The following FAHD2B variants were observed in gnomAD, a reference collection of about 807,000 sequenced individuals.
FAHD2B encodes the protein fumarylacetoacetate hydrolase domain containing 2B, also known as oxaloacetate tautomerase FAHD2B, mitochondrial.
FAHD2B carries 26 observed loss-of-function variants against 33.7 expected under a neutral mutation model. The ratio of observed to expected loss-of-function variants is 0.77; its 90% confidence interval spans 0.57 to 1.07. FAHD2B has a LOEUF of 1.07. Ranked by LOEUF, FAHD2B falls within the 50% of genes least tolerant of loss-of-function variation. The pLI is 0.00. For synonymous variants in FAHD2B, 108 were observed against 150.9 expected (o/e 0.72, Z 2.08); for missense variants, 272 against 388.1 (o/e 0.70, Z 2.51).
intron 4 of FAHD2B, chr2:97,086,633 T>A (rs1028928958): frequency 6.3e-6 from 1 of 159,680 alleles, no homozygotes; most frequent in Non-Finnish European, 1.4e-5. Context: ...GAGTAAGCAA[T>A]TCACAAAAAG....
downstream of FAHD2B, chr2:97,081,557 G>C: frequency 6.5e-7 from 1 of 1,529,496 alleles, no homozygotes; most frequent in Non-Finnish European, 8.8e-7. Context: ...CCTGGAGCCT[G>C]GCCTCCTCCA....
downstream of FAHD2B, chr2:97,083,134 A>G (rs2031718327): frequency 8.3e-6 from 13 of 1,564,436 alleles, no homozygotes; most frequent in Non-Finnish European, 1.1e-5. Context: ...CGCATCTTCC[A>G]TGGCCCAGGT....
At chr2:97,089,191 A>T (rs1167029595) in intron 4 of FAHD2B, among the ~76,000 whole-genome samples, 1 of 152,030 alleles carries the variant, frequency 6.6e-6, no homozygotes, top group Non-Finnish European at 1.5e-5. Context: ...TACTGCCTGT[A>T]GTTTGATAAT....
chr2:97,093,466 TAA>T (rs2032473412), intron 1 of FAHD2B, among the ~76,000 whole-genome samples: 1 of 138,976 alleles, frequency 7.2e-6, no homozygotes, highest in African/African-American at 2.7e-5. Flanking sequence ...ATGTCTGATT[TAA>T]TTCTTTTTTT....
Position 97,091,484 on chromosome 2 carries a change from C to A in FAHD2B, c.223G>T (p.Ala75Ser), listed in dbSNP as rs1488446858. 1 of 1,612,828 alleles carries A rather than the reference C, an allele frequency of 6.2e-7. No individual in the cohort carries two copies. The highest frequency in any genetic ancestry group is 8.5e-7 in the Non-Finnish European group (1 of 1,179,738). The change falls in exon 3 of 9, where the codon GCC (alanine) becomes TCC (serine). Residue 75 changes from alanine to serine, a missense_variant. Physicochemically the swap from Ala to Ser is moderately conservative, Grantham distance 99 (BLOSUM62 1). Coordinates refer to ENST00000414820, the MANE Select transcript of FAHD2B (RefSeq NM_001320848.2). ...TACCTTCTTGCCACTGAGAGGGTGG[C>A]CTCTCCCTGCTCTAGGAACTGCGTC... ...TMTQFLEQGEATLSVARRALA... is the reference protein window; with the variant it reads ...TMTQFLEQGESTLSVARRALA...
chr2:97,079,554 T>C (rs2031577563), downstream of FAHD2B, among the ~76,000 whole-genome samples: 2 of 152,166 alleles, frequency 1.3e-5, no homozygotes, highest in Non-Finnish European at 2.9e-5. Flanking sequence ...ATATGATTGT[T>C]GGCTGCATGT....
intron 3 of FAHD2B, 59 bp downstream of exon 3, chr2:97,091,403 G>C (rs886921633): frequency 2.0e-6 from 3 of 1,481,454 alleles, no homozygotes; most frequent in East Asian, 2.5e-5. Context: ...TTCCCAGAGC[G>C]GGGAGGGTGC....
intron 6 of FAHD2B, among the ~76,000 whole-genome samples, chr2:97,085,483 C>T (rs2031914442): frequency 6.6e-6 from 1 of 152,014 alleles, no homozygotes; most frequent in South Asian, 2.1e-4. Flanking sequence ...CATGCAGTTT[C>T]ACATCCTCTG....
chr2:97,086,653 A>G (rs1404936477), intron 4 of FAHD2B: 1 of 158,198 alleles, frequency 6.3e-6, no homozygotes, highest in Non-Finnish European at 1.4e-5. Flanking sequence ...GGTAACGGAC[A>G]TGGCCACAAA....
chr2:97,080,027 C>T (rs1476525996), downstream of FAHD2B, among the ~76,000 whole-genome samples: 2 of 152,072 alleles, frequency 1.3e-5, no homozygotes, highest in Non-Finnish European at 2.9e-5. Flanking sequence ...AAACTTTTCT[C>T]TCATTCTTTA....
chr2:97,092,763 G>T (rs1348492764), intron 1 of FAHD2B, among the ~76,000 whole-genome samples: 4 of 151,782 alleles, frequency 2.6e-5, no homozygotes, highest in Admixed American at 6.6e-5. Flanking sequence ...TTGAGGTCAG[G>T]AGTTCAAGAC....
downstream of FAHD2B, chr2:97,081,579 T>G (rs2031645967): frequency 6.6e-7 from 1 of 1,516,398 alleles, no homozygotes; most frequent in African/African-American, 1.5e-5. Context: ...CCTCCCACCC[T>G]GAGTGCCAGC....
Position 97,084,332 on chromosome 2 carries a change from A to C in FAHD2B, c.686-55T>G. 4.4e-6 allele frequency: 7 copies of C among 1,603,602 alleles called. No homozygotes were observed. The East Asian group carries it at 6.7e-5, about 15-fold the overall frequency. ...ATCCCTTTTCCCCCTCAAACCCCCC[A>C]GTGTTTTACAAACACAACTGTAGGG... On this transcript the variant is annotated intron_variant, in intron 6 of 8. Coordinates refer to ENST00000414820, the MANE Select transcript of FAHD2B (RefSeq NM_001320848.2).
chr2:97,088,291 C>G (rs1415463659), intron 4 of FAHD2B, among the ~76,000 whole-genome samples: 1 of 152,062 alleles, frequency 6.6e-6, no homozygotes, highest in African/African-American at 2.4e-5. Flanking sequence ...CTCTGTGTCC[C>G]CACCCAAATC....
Position 97,085,757 on chromosome 2 carries a change from T to G in FAHD2B, c.627A>C (p.Lys209Asn). Residue 209 changes from lysine to asparagine, a missense_variant, in exon 6 of 9, where the codon AAA (lysine) becomes AAC (asparagine). By Grantham distance (94) the Lys-to-Asn change is moderately conservative. Coordinates refer to ENST00000414820, the MANE Select transcript of FAHD2B (RefSeq NM_001320848.2). ...CCAGAGGGCAGAAGGTGTCGAAGGT[T>G]TTTCCCAGCAGCCACTGTTTCCCAT... ...RRNGKQWLLGKTFDTFCPLGP... is the reference protein window; with the variant it reads ...RRNGKQWLLGNTFDTFCPLGP... 1 of 1,613,726 alleles carries G rather than the reference T, an allele frequency of 6.2e-7. No homozygotes were observed. Among genetic ancestry groups the G allele is most frequent in the Middle Eastern group, 1.7e-4 (1 of 6,054 alleles).
downstream of FAHD2B, chr2:97,082,641 G>T: frequency 6.5e-7 from 1 of 1,546,208 alleles, no homozygotes; most frequent in Non-Finnish European, 8.9e-7. Context: ...GAGGAGAGAA[G>T]CCTGTGCCCA....
downstream of FAHD2B, chr2:97,082,463 C>T (rs1463837556): frequency 2.9e-5 from 47 of 1,613,194 alleles, no homozygotes; most frequent in Middle Eastern, 1.7e-4. Context: ...AAGGGATCTT[C>T]GGTGAGTCTC....
At chr2:97,085,123 CTGTG>C (rs1165499599) in intron 6 of FAHD2B, among the ~76,000 whole-genome samples, 1 of 151,868 alleles carries the variant, frequency 6.6e-6, no homozygotes, top group Non-Finnish European at 1.5e-5. Flanking sequence ...GCCGAGGACT[CTGTG>C]TGGGTGCTGT....
At chr2:97,079,656 TTTTTC>T (rs1242041677), downstream of FAHD2B, among the ~76,000 whole-genome samples, 16 of 151,350 alleles carry the variant, frequency 1.1e-4, no homozygotes, top group East Asian at 1.9e-4. Flanking sequence ...TTTATTTTAT[TTTTTC>T]TTTTCTTTTC....
Sources: allele counts gnomAD v4.1 joint callset (sites outside exome capture counted in the v4.1 genomes callset), GRCh38; gene constraint gnomAD v4.1.1; transcripts MANE v1.5; gene names NCBI Gene and HGNC (gene_info 2026-07-23, HGNC 2026-07-21).